The following FAM133A variants were observed in gnomAD, a reference collection of about 807,000 sequenced individuals.
The protein encoded by FAM133A is family with sequence similarity 133 member A.
For synonymous variants in FAM133A, 65 were observed against 58.6 expected (o/e 1.11, Z -0.50); for missense variants, 159 against 164.4 (o/e 0.97, Z 0.18).
At chrX:93,689,752 C>A (rs1392071147) in intron 2 of FAM133A, among the ~76,000 whole-genome samples, 2 of 110,655 alleles carry the variant, frequency 1.8e-5, no homozygotes, top group African/African-American at 6.6e-5. Flanking sequence ...AGGTAGATTG[C>A]TTTAGCACCT....
intron 2 of FAM133A, among the ~76,000 whole-genome samples, chrX:93,678,466 A>G (rs1385498337): frequency 8.9e-6 from 1 of 111,860 alleles, no homozygotes; most frequent in Non-Finnish European, 1.9e-5. Flanking sequence ...AATTGGGATA[A>G]GAAGTTTGCA....
intron 2 of FAM133A, among the ~76,000 whole-genome samples, chrX:93,676,837 T>C (rs976169251): frequency 8.1e-5 from 9 of 110,786 alleles, no homozygotes; most frequent in African/African-American, 2.9e-4. Context: ...GCAATGAAAA[T>C]GGTTGAAAGT....
At chrX:93,678,813 G>C (rs1197369743) in intron 2 of FAM133A, among the ~76,000 whole-genome samples, 1 of 111,549 alleles carries the variant, frequency 9.0e-6, no homozygotes, top group Non-Finnish European at 1.9e-5. Context: ...CTGTTCCTTT[G>C]TGTACTGATT....
rs959183809 is a variant in FAM133A, at chrX:93,711,916, A to G, written c.*1750A>G. On this transcript the variant is annotated 3_prime_UTR_variant, in exon 4 of 4. Transcript: ENST00000683942. ...ATTAAAATGCTTTTTATAAGCTTAT[A>G]TTATTTGTAGAATATGGCAAAAGCA... is the stretch of plus-strand genomic sequence containing the variant. 3.2e-5 allele frequency: 4 copies of G among 123,436 alleles called. No individual in the cohort carries two copies. Among genetic ancestry groups the G allele is most frequent in the African/African-American group, 1.3e-4 (4 of 30,858 alleles). 10.2% of individuals were successfully genotyped at this position (123,436 alleles called of 1,213,427 possible).
At chrX:93,689,357 T>A (rs1925745862) in intron 2 of FAM133A, among the ~76,000 whole-genome samples, 2 of 111,556 alleles carry the variant, frequency 1.8e-5, no homozygotes, top group Non-Finnish European at 3.8e-5. Flanking sequence ...AATCATTTTT[T>A]AATTAATTTT....
At chrX:93,699,992 T>G (rs757951940) in intron 3 of FAM133A, among the ~76,000 whole-genome samples, 1 of 110,911 alleles carries the variant, frequency 9.0e-6, no homozygotes, top group Admixed American at 9.7e-5. Flanking sequence ...AGCCATCATC[T>G]TAATCTAATT....
chrX:93,702,765 T>C (rs1201224507), intron 3 of FAM133A, among the ~76,000 whole-genome samples: 1 of 102,784 alleles, frequency 9.7e-6, no homozygotes, highest in African/African-American at 3.6e-5. Flanking sequence ...ACCCTTGATA[T>C]GATGTGATGA....
chrX:93,696,632 T>C (rs1926293700), intron 2 of FAM133A, among the ~76,000 whole-genome samples: 1 of 110,743 alleles, frequency 9.0e-6, no homozygotes, highest in African/African-American at 3.3e-5. Flanking sequence ...TTAAGAGTAG[T>C]ATAGGCGGCC....
intron 3 of FAM133A, 112 bp downstream of exon 3, chrX:93,698,597 C>G (rs1926472532): frequency 9.0e-6 from 1 of 111,646 alleles, no homozygotes; most frequent in Admixed American, 9.5e-5. Context: ...GGAGGTCATT[C>G]ATAACCTAGA....
rs764336140 is a variant in FAM133A at position 93,700,175 on chromosome X, T to A, written c.-104+1690T>A. Among the ~76,000 whole-genome samples, 26 of 111,041 alleles carry A rather than the reference T, an allele frequency of 2.3e-4. No individual in the cohort carries two copies. In the East Asian group the frequency reaches 6.2e-3, roughly 27 times the overall value. On this transcript the variant is annotated intron_variant, in intron 3 of 3. Coordinates refer to ENST00000683942, the MANE Select transcript of FAM133A (RefSeq NM_001171109.2). ...TTTATGGAATCTTCCACATTCTAGA[T>A]TTATCTGCCTGTTTTTTCATTATGT...
rs971774777 is a variant in FAM133A at position 93,711,887 on chromosome X, G to A, written c.*1721G>A. ...TATCCATATAGAGTTTTTCAGAATT[G>A]TTCATTAAAATGCTTTTTATAAGCT... On this transcript the variant is annotated 3_prime_UTR_variant, in exon 4 of 4. Coordinates refer to ENST00000683942, the MANE Select transcript of FAM133A (RefSeq NM_001171109.2). 3.3e-5 allele frequency: 4 copies of A among 122,947 alleles called. No homozygotes were observed. Among genetic ancestry groups the A allele is most frequent in the Admixed American group, 1.9e-4 (2 of 10,419 alleles). 10.1% of individuals were successfully genotyped at this position (122,947 alleles called of 1,213,427 possible).
Position 93,709,471 on chromosome X carries a change from A to G in FAM133A, c.52A>G (p.Arg18Gly), listed in dbSNP as rs1927264742. 8.3e-7 allele frequency: 1 copy of G among 1,199,274 alleles called. No individual in the cohort carries two copies. The highest frequency in any genetic ancestry group is 1.8e-5 in the African/African-American group (1 of 56,469). Reference sequence around the variant, plus strand: ...CTATATGAATCCTATAGCAATGGCCAGATGGAGAGGCCCAACTCAATCTGT... The same window carrying G: ...CTATATGAATCCTATAGCAATGGCCGGATGGAGAGGCCCAACTCAATCTGT... ...VAYMNPIAMA[R>G]WRGPTQSVGP... The change falls in exon 4 of 4, where the codon AGA becomes GGA. Residue 18 changes from arginine to glycine, a missense_variant. Transcript: ENST00000683942.
chrX:93,676,682 T>G (rs1345101684), intron 2 of FAM133A, among the ~76,000 whole-genome samples: 5 of 109,176 alleles, frequency 4.6e-5, no homozygotes, highest in Admixed American at 9.8e-5. Context: ...AGATTACTAC[T>G]TAACCACTCA....
intron 3 of FAM133A, among the ~76,000 whole-genome samples, chrX:93,700,103 A>C (rs1926591760): frequency 9.1e-6 from 1 of 109,663 alleles, no homozygotes; most frequent in Admixed American, 9.8e-5. Context: ...TCCTAAAATA[A>C]TTTTTCTTTT....
intron 3 of FAM133A, among the ~76,000 whole-genome samples, chrX:93,709,018 G>T (rs750047908): frequency 9.0e-6 from 1 of 111,397 alleles, no homozygotes; most frequent in Non-Finnish European, 1.9e-5. Flanking sequence ...AAGCAGGAAT[G>T]AAAGAAAGGA....
intron 3 of FAM133A, among the ~76,000 whole-genome samples, chrX:93,702,597 T>G (rs1226543024): frequency 9.1e-6 from 1 of 110,051 alleles, no homozygotes; most frequent in Non-Finnish European, 1.9e-5. Flanking sequence ...AAATGTAACT[T>G]CCCGTTCTTT....
intron 2 of FAM133A, among the ~76,000 whole-genome samples, chrX:93,679,232 G>T (rs987137310): frequency 9.0e-6 from 1 of 110,563 alleles, no homozygotes; most frequent in Non-Finnish European, 1.9e-5. Context: ...GTTAAAAAAA[G>T]AATAGTAATA....
At chrX:93,688,386 T>C (rs1169262082) in intron 2 of FAM133A, among the ~76,000 whole-genome samples, 1 of 111,190 alleles carries the variant, frequency 9.0e-6, no homozygotes, top group Admixed American at 9.6e-5. Flanking sequence ...GAATCACTGA[T>C]TTTCTGTTTC....
chrX:93,685,940 C>A (rs149217147), intron 2 of FAM133A, among the ~76,000 whole-genome samples: 3 of 109,422 alleles, frequency 2.7e-5, no homozygotes, highest in African/African-American at 1.0e-4. Context: ...GAAACCTGGT[C>A]TCTACTGAAA....
Sources: gnomAD v4.1 joint callset for allele counts (sites outside exome capture counted in the v4.1 genomes callset) on GRCh38, gnomAD v4.1.1 for gene constraint, MANE v1.5 for transcripts, NCBI Gene and HGNC (gene_info 2026-07-23, HGNC 2026-07-21) for gene names.